MAP3K20: variants seen among roughly 807,000 people sequenced by gnomAD.
MAP3K20 encodes HCCS-4.
In MAP3K20, 40 loss-of-function variants were observed where a neutral mutation model predicts 85.7. The ratio of observed to expected loss-of-function variants is 0.47; its 90% confidence interval spans 0.36 to 0.61. The LOEUF (loss-of-function observed/expected upper bound fraction) is 0.61, where lower values mean the gene tolerates loss of function less well. Ranked by LOEUF, MAP3K20 falls within the 20% of genes least tolerant of loss-of-function variation. MAP3K20 has a pLI of 0.00. For missense variants in MAP3K20, 817 were observed against 961.7 expected (o/e 0.85, Z 1.99); for synonymous variants, 325 against 327.7 (o/e 0.99, Z 0.09).
intron 2 of MAP3K20, among the ~76,000 whole-genome samples, chr2:173,105,188 A>G (rs1275348459): frequency 2.0e-5 from 3 of 152,254 alleles, no homozygotes; most frequent in Non-Finnish European, 2.9e-5. Flanking sequence ...GGACAGAGAC[A>G]GGGGACCAGT....
intron 2 of MAP3K20, among the ~76,000 whole-genome samples, chr2:173,157,102 G>A (rs1424418336): frequency 6.6e-6 from 1 of 152,188 alleles, no homozygotes; most frequent in African/African-American, 2.4e-5. Context: ...TGGCTGGAGT[G>A]ATGGTTATTA....
chr2:173,213,870 TTA>T lies in MAP3K20; in HGVS notation c.852-3241_852-3240del, dbSNP rs539230920. Among the ~76,000 whole-genome samples, 674 of 152,322 alleles carry T rather than the reference TTA, an allele frequency of 4.4e-3. 6 individuals are homozygous for T. The highest frequency in any genetic ancestry group is 0.029 in the South Asian group (142 of 4,824). The stretch of plus-strand genomic sequence containing the variant: ...TCAATATGTAAACTGCTGAAAAGAA[TTA>T]TATGTTTTTATCAGATAATCTCAAC... On this transcript the variant is annotated intron_variant, in intron 10 of 19. Transcript: ENST00000375213.
intron 1 of MAP3K20, among the ~76,000 whole-genome samples, chr2:173,087,722 A>G (rs1687180740): frequency 6.6e-6 from 1 of 152,240 alleles, no homozygotes; most frequent in South Asian, 2.1e-4. Context: ...TACTTTCAAA[A>G]TTATATGGAA....
intron 14 of MAP3K20, among the ~76,000 whole-genome samples, chr2:173,233,723 G>C (rs1028216543): frequency 1.3e-5 from 2 of 152,140 alleles, no homozygotes; most frequent in African/African-American, 4.8e-5. Context: ...CTACCTCAGA[G>C]CTACCCACAG....
chr2:173,168,261 C>T (rs989320455), intron 2 of MAP3K20, among the ~76,000 whole-genome samples: 3 of 152,100 alleles, frequency 2.0e-5, no homozygotes, highest in African/African-American at 7.2e-5. Context: ...ACAGACCCCT[C>T]TATACACACG....
chr2:173,150,747 G>A (rs1221659931), intron 2 of MAP3K20, among the ~76,000 whole-genome samples: 1 of 151,996 alleles, frequency 6.6e-6, no homozygotes, highest in East Asian at 1.9e-4. Flanking sequence ...CATATCTTTA[G>A]CAGAGACGGG....
intron 7 of MAP3K20, 161 bp from the exon 8 acceptor site, chr2:173,197,865 A>G (rs1030683328): frequency 4.7e-6 from 2 of 423,952 alleles, no homozygotes; most frequent in Non-Finnish European, 8.3e-6. Context: ...TATTTAATAT[A>G]TAGAAGAAGT....
chr2:173,177,726 G>A (rs1027208299), intron 3 of MAP3K20, among the ~76,000 whole-genome samples: 7 of 152,026 alleles, frequency 4.6e-5, no homozygotes, highest in East Asian at 1.9e-4. Context: ...CACCACACCC[G>A]TCCAGAAATC....
At chr2:173,181,886 C>A in intron 3 of MAP3K20, among the ~76,000 whole-genome samples, 1 of 135,022 alleles carries the variant, frequency 7.4e-6, no homozygotes, top group Non-Finnish European at 1.6e-5. Context: ...TCATCTCTAC[C>A]AAAAAAAAAA....
At chr2:173,106,150 C>G (rs1687777187) in intron 2 of MAP3K20, among the ~76,000 whole-genome samples, 1 of 152,148 alleles carries the variant, frequency 6.6e-6, no homozygotes, top group Admixed American at 6.5e-5. Flanking sequence ...AATCCCAAAT[C>G]ATAACACACC....
chr2:173,232,496 C>CT (rs759417325), intron 14 of MAP3K20, 37 bp downstream of exon 14: 26 of 1,600,890 alleles, frequency 1.6e-5, no homozygotes, highest in East Asian at 4.5e-5. Context: ...TCAGCAAACC[C>CT]TTTTTTTGTT....
At chr2:173,117,275 T>C (rs921404550) in intron 2 of MAP3K20, among the ~76,000 whole-genome samples, 3 of 152,140 alleles carry the variant, frequency 2.0e-5, no homozygotes, top group Non-Finnish European at 4.4e-5. Flanking sequence ...TTAAACTTCC[T>C]CATTTATTTA....
At chr2:173,195,364 A>G (rs1690796351) in intron 7 of MAP3K20, among the ~76,000 whole-genome samples, 1 of 152,158 alleles carries the variant, frequency 6.6e-6, no homozygotes, top group African/African-American at 2.4e-5. Context: ...ATGGCTTTCT[A>G]TTGTTTGGAA....
chr2:173,161,331 A>G (rs1340750296), intron 2 of MAP3K20, among the ~76,000 whole-genome samples: 1 of 152,140 alleles, frequency 6.6e-6, no homozygotes, highest in Non-Finnish European at 1.5e-5. Flanking sequence ...ATTGACTGTT[A>G]CTCTTATGAA....
chr2:173,258,992 T>C (rs916051465), intron 17 of MAP3K20, among the ~76,000 whole-genome samples, 177 bp downstream of exon 17: 2 of 152,242 alleles, frequency 1.3e-5, no homozygotes, highest in African/African-American at 4.8e-5. Flanking sequence ...AGGTTTTTGT[T>C]AAAATTCTAC....
At position 173,124,794 on chromosome 2, in the gene MAP3K20, A is replaced by G. The variant is rs1343524918; in HGVS notation, c.159+33604A>G. Among the ~76,000 whole-genome samples, 4 of 152,216 alleles carry G rather than the reference A, an allele frequency of 2.6e-5. No individual in the cohort carries two copies. In the East Asian group the frequency reaches 7.7e-4, roughly 29 times the overall value. ...CAAGAAAGATGCTCCTTCCTCTGCT[A>G]CGACCCTTCCATGCCTCTATTAAGA... On this transcript the variant is annotated intron_variant, in intron 2 of 19. Coordinates refer to ENST00000375213, the MANE Select transcript of MAP3K20 (RefSeq NM_016653.3).
chr2:173,088,086 C>G (rs1327934638), intron 1 of MAP3K20, among the ~76,000 whole-genome samples: 1 of 151,886 alleles, frequency 6.6e-6, no homozygotes, highest in African/African-American at 2.4e-5. Context: ...AGAGAAATTA[C>G]TTGTTTTAAT....
chr2:173,131,619 G>A (rs1488940904), intron 2 of MAP3K20, among the ~76,000 whole-genome samples: 10 of 152,146 alleles, frequency 6.6e-5, no homozygotes, highest in Admixed American at 4.6e-4. Context: ...AAATTATGTG[G>A]TATATTAGAT....
intron 16 of MAP3K20, among the ~76,000 whole-genome samples, chr2:173,246,088 A>G (rs997062744): frequency 1.3e-5 from 2 of 152,190 alleles, no homozygotes; most frequent in African/African-American, 4.8e-5. Flanking sequence ...TGCAAAGGGC[A>G]TATTTGTGTA....
Sources: allele counts gnomAD v4.1 joint callset (sites outside exome capture counted in the v4.1 genomes callset), GRCh38; gene constraint gnomAD v4.1.1; transcripts MANE v1.5; gene names NCBI Gene and HGNC (gene_info 2026-07-23, HGNC 2026-07-21).